ALK: variants seen among roughly 807,000 people sequenced by gnomAD.
ALK encodes ALK tyrosine kinase receptor.
In ALK, 74 loss-of-function variants were observed where a neutral mutation model predicts 163.1. The observed-to-expected ratio is 0.45, with a 90% CI of 0.38 to 0.55. The LOEUF (loss-of-function observed/expected upper bound fraction) is 0.55, where lower values mean the gene tolerates loss of function less well. Among genes scored for constraint, ALK ranks in the 20% least tolerant of loss-of-function variants. ALK has a pLI of 0.00. For synonymous variants in ALK, 960 were observed against 843.2 expected, an observed-to-expected ratio of 1.14 and a Z score of -2.40; for missense variants, 2,063 against 2,105.3, an observed-to-expected ratio of 0.98 and a Z score of 0.39.
chr2:29,786,797 G>C (rs1325259287), intron 1 of ALK, among the ~76,000 whole-genome samples: 2 of 151,818 alleles, frequency 1.3e-5, no homozygotes, highest in Admixed American at 1.3e-4. Context: ...TGTTTTGTTT[G>C]TTTGTTTGTT....
intron 1 of ALK, among the ~76,000 whole-genome samples, chr2:29,751,204 T>C (rs1421218824): frequency 1.3e-5 from 2 of 152,124 alleles, no homozygotes; most frequent in Admixed American, 6.5e-5. Flanking sequence ...TTGCTTTGGG[T>C]GAGTCAGTAA....
intron 4 of ALK, among the ~76,000 whole-genome samples, chr2:29,507,132 A>T (rs959084982): frequency 2.8e-4 from 42 of 152,252 alleles, no homozygotes; most frequent in African/African-American, 9.9e-4. Flanking sequence ...TCAAGTCTCC[A>T]TTGACAGATG....
intron 5 of ALK, among the ~76,000 whole-genome samples, chr2:29,343,708 T>C (rs895511498): frequency 2.6e-5 from 4 of 152,138 alleles, no homozygotes; most frequent in Admixed American, 2.6e-4. Flanking sequence ...GGTCTGGTAA[T>C]GGTGATACAT....
rs1669832691 is a variant in ALK, at chr2:29,222,526, C to A, written c.3441G>T (p.Val1147=). Residue 1147 remains valine, a synonymous_variant, in exon 21 of 29, where the codon GTG becomes GTT. Coordinates refer to ENST00000389048, the MANE Select transcript of ALK (RefSeq NM_004304.5). ...GTGAGCCACTTCTTACCTTCACAGC[C>A]ACTTGCAGGGGGCTTGGGTCGTTGG... is the stretch of plus-strand genomic sequence containing the variant. ...GMPNDPSPLQ[V]AVKTLPEVCS... is the part of the protein sequence containing the mutation. The A allele has an allele frequency of 1.4e-5, 23 of 1,614,146 alleles. No individual in the cohort carries two copies. The highest frequency in any genetic ancestry group is 1.9e-5 in the Non-Finnish European group (23 of 1,180,024).
In ALK at chr2:29,456,009, T is replaced by A. The variant is rs1186419085; in HGVS notation, c.1155-72150A>T. On this transcript the variant is annotated intron_variant, in intron 4 of 28. Coordinates refer to ENST00000389048, the MANE Select transcript of ALK (RefSeq NM_004304.5). ...AGCCTGGTGGGAATACCACTTTATA[T>A]CCATTAGGATGCCTATTATCAATAA... Among the ~76,000 whole-genome samples the A allele has an allele frequency of 2.0e-5, 3 of 152,124 alleles. No individual in the cohort carries two copies. In the East Asian group the frequency reaches 5.8e-4, roughly 29 times the overall value.
At chr2:29,692,321 A>T (rs1018117639) in intron 3 of ALK, among the ~76,000 whole-genome samples, 1 of 152,180 alleles carries the variant, frequency 6.6e-6, no homozygotes, top group East Asian at 1.9e-4. Context: ...GCATTACCCA[A>T]TGAAATGGAA....
intron 3 of ALK, among the ~76,000 whole-genome samples, chr2:29,554,662 C>G (rs1258575479): frequency 6.6e-6 from 1 of 152,160 alleles, no homozygotes; most frequent in East Asian, 1.9e-4. Flanking sequence ...CTGCTACTGT[C>G]AGAGGTGTTT....
intron 3 of ALK, among the ~76,000 whole-genome samples, chr2:29,571,022 A>T (rs1674352853): frequency 6.6e-6 from 1 of 152,186 alleles, no homozygotes; most frequent in Non-Finnish European, 1.5e-5. Flanking sequence ...GGGAAGAAAG[A>T]GTTGGAGGAG....
chr2:29,836,750 C>G (rs1052361586), intron 1 of ALK, among the ~76,000 whole-genome samples: 2 of 152,176 alleles, frequency 1.3e-5, no homozygotes, highest in Non-Finnish European at 2.9e-5. Context: ...CTAGAGATTA[C>G]ATGGTTGGTT....
rs1670335606 is a variant in ALK at position 29,433,838 on chromosome 2, CA to C, written c.1155-49980del. Reference sequence around the variant, plus strand: ...GAACTTATTTCCTGGCATAAAAAGGCAATTAATGGATACTGTTTAATGAATG... The same window carrying C: ...GAACTTATTTCCTGGCATAAAAAGGCATTAATGGATACTGTTTAATGAATG... On this transcript the variant is annotated intron_variant, in intron 4 of 28. Coordinates refer to ENST00000389048, the MANE Select transcript of ALK (RefSeq NM_004304.5). Among the ~76,000 whole-genome samples, 5 of 152,086 alleles carry C rather than the reference CA, an allele frequency of 3.3e-5. No individual in the cohort carries two copies. The East Asian group carries it at 9.7e-4, about 29-fold the overall frequency.
At chr2:29,245,567 C>T (rs1053403902) in intron 12 of ALK, among the ~76,000 whole-genome samples, 2 of 127,026 alleles carry the variant, frequency 1.6e-5, no homozygotes, top group East Asian at 2.6e-4. Context: ...CTTTATGGCT[C>T]AATGCCCTGC....
chr2:29,776,078 A>T (rs1326297715), intron 1 of ALK, among the ~76,000 whole-genome samples: 1 of 152,210 alleles, frequency 6.6e-6, no homozygotes, highest in Non-Finnish European at 1.5e-5. Context: ...TGAATCAGAC[A>T]TAATGTTGAT....
rs1389191270 is a variant in ALK at position 29,221,206 on chromosome 2, A to C, written c.3516-371T>G. 5.5e-6 allele frequency: 3 copies of C among 541,830 alleles called. 1 individual carries two copies. The highest frequency in any genetic ancestry group is 3.1e-5 in the South Asian group (2 of 65,144). 33.6% of individuals were successfully genotyped at this position (541,830 alleles called of 1,614,324 possible). On this transcript the variant is annotated intron_variant, in intron 22 of 28. Transcript: ENST00000389048. Reference sequence around the variant, plus strand: ...TTCTCCCAGGAAGGCCTCAGGCAGAAGGTGAAGCAAAACAACTGCTTCCAA... The same window carrying C: ...TTCTCCCAGGAAGGCCTCAGGCAGACGGTGAAGCAAAACAACTGCTTCCAA...
intron 4 of ALK, among the ~76,000 whole-genome samples, chr2:29,501,515 C>A (rs1040212943): frequency 6.6e-6 from 1 of 152,188 alleles, no homozygotes; most frequent in Non-Finnish European, 1.5e-5. Context: ...TTGGAGGATG[C>A]CCAGGGGGTG....
At chr2:29,911,174 G>A (rs951016761) in intron 1 of ALK, among the ~76,000 whole-genome samples, 5 of 152,162 alleles carry the variant, frequency 3.3e-5, no homozygotes, top group African/African-American at 1.2e-4. Flanking sequence ...ACAGCTAAGG[G>A]GCCCAAAGCA....
intron 1 of ALK, among the ~76,000 whole-genome samples, chr2:29,763,885 A>C (rs1680784722): frequency 6.6e-6 from 1 of 152,186 alleles, no homozygotes; most frequent in Admixed American, 6.5e-5. Context: ...AGAAAGGGGT[A>C]GAGAAAGAAA....
intron 2 of ALK, among the ~76,000 whole-genome samples, chr2:29,704,363 AC>A (rs1678835434): frequency 1.3e-5 from 2 of 152,234 alleles, no homozygotes; most frequent in South Asian, 4.2e-4. Flanking sequence ...GTCATGAGGG[AC>A]CTTGGAGACC....
At chr2:29,810,422 CAAA>C (rs1252589204) in intron 1 of ALK, among the ~76,000 whole-genome samples, 5 of 53,250 alleles carry the variant, frequency 9.4e-5, no homozygotes, top group Admixed American at 2.0e-4. Context: ...AACTCCATCT[CAAA>C]AAAAAAAAAA....
intron 9 of ALK, among the ~76,000 whole-genome samples, chr2:29,287,310 G>T (rs901026694): frequency 5.3e-5 from 8 of 152,082 alleles, no homozygotes; most frequent in African/African-American, 1.9e-4. Flanking sequence ...AATACATTTA[G>T]GCCATGTTTC....
Sources: allele counts gnomAD v4.1 joint callset (sites outside exome capture counted in the v4.1 genomes callset), GRCh38; gene constraint gnomAD v4.1.1; transcripts MANE v1.5; gene names NCBI Gene and HGNC (gene_info 2026-07-23, HGNC 2026-07-21).